The following SSPN variants were observed in gnomAD, a reference collection of about 807,000 sequenced individuals.
SSPN encodes the protein K-ras oncogene-associated protein.
A neutral mutation model predicts 19.1 loss-of-function variants in SSPN; 15 were observed. The observed-to-expected ratio is 0.78, with a 90% CI of 0.52 to 1.21. The LOEUF (loss-of-function observed/expected upper bound fraction) is 1.21, where lower values mean the gene tolerates loss of function less well. Among genes scored for constraint, SSPN ranks in the 50% most tolerant of loss-of-function variants. The pLI, the probability that SSPN is intolerant of heterozygous loss-of-function variation, is 0.00. For synonymous variants in SSPN, 147 were observed against 140.3 expected, an observed-to-expected ratio of 1.05 and a Z score of -0.34; for missense variants, 291 against 314.0, an observed-to-expected ratio of 0.93 and a Z score of 0.55.
intron 1 of SSPN, chr12:26,180,299 G>A (rs1274226589): frequency 6.6e-6 from 1 of 152,186 alleles, no homozygotes; most frequent in Non-Finnish European, 1.5e-5. Context: ...AATCTGAGTT[G>A]GAGGTGCTGA....
chr12:26,149,178 T>C (rs1283771147), intron 1 of SSPN, among the ~76,000 whole-genome samples: 1 of 152,224 alleles, frequency 6.6e-6, no homozygotes, highest in Non-Finnish European at 1.5e-5. Context: ...TCAACATCAC[T>C]ATGGCTTTTT....
At chr12:26,177,268 C>T (rs1944690181) in intron 1 of SSPN, among the ~76,000 whole-genome samples, 1 of 152,158 alleles carries the variant, frequency 6.6e-6, no homozygotes, top group Admixed American at 6.5e-5. Context: ...TTACTGAATA[C>T]CAGAATTTCA....
At chr12:26,191,529 G>C (rs1944787525), upstream of SSPN, among the ~76,000 whole-genome samples, 1 of 152,042 alleles carries the variant, frequency 6.6e-6, no homozygotes, top group African/African-American at 2.4e-5. Context: ...TTGTCCATAT[G>C]ATATTTAACT....
At chr12:26,214,453 A>G (rs955005363) in intron 1 of SSPN, among the ~76,000 whole-genome samples, 5 of 152,204 alleles carry the variant, frequency 3.3e-5, no homozygotes, top group African/African-American at 1.2e-4. Context: ...TATATTTGCT[A>G]TGTGACCATG....
intron 1 of SSPN, among the ~76,000 whole-genome samples, chr12:26,215,224 A>G (rs765486300): frequency 2.0e-5 from 3 of 152,188 alleles, no homozygotes; most frequent in Non-Finnish European, 4.4e-5. Context: ...CAAGATCTCA[A>G]AGATTATGCT....
chr12:26,185,635 A>T (rs1944748923), intron 1 of SSPN, among the ~76,000 whole-genome samples: 1 of 152,116 alleles, frequency 6.6e-6, no homozygotes, highest in Non-Finnish European at 1.5e-5. Flanking sequence ...TGAGATAATG[A>T]CCTGACCGAA....
chr12:26,232,076 G>A lies in SSPN; in HGVS notation c.*1000G>A. 1 of 985,392 alleles carries A rather than the reference G, an allele frequency of 1.0e-6. No homozygotes were observed. The highest frequency in any genetic ancestry group is 1.2e-6 in the Non-Finnish European group (1 of 829,920). 61.0% of individuals were successfully genotyped at this position (985,392 alleles called of 1,614,324 possible). A position where few individuals can be genotyped will look rare whatever the true frequency, so the allele number is the denominator to read the frequency against. ...AACAAAAACAAGAGCATTTGTAATA[G>A]GAAGTGTTTATACAAACAGCACATT... On this transcript the variant is annotated 3_prime_UTR_variant, in exon 3 of 3. Transcript: ENST00000242729.
chr12:26,192,169 C>G (rs1944793170), upstream of SSPN, among the ~76,000 whole-genome samples: 1 of 152,114 alleles, frequency 6.6e-6, no homozygotes. Context: ...GTTTTCTCCC[C>G]CAAGAGGATC....
At chr12:26,132,579 A>C (rs1021324508) in intron 1 of SSPN, among the ~76,000 whole-genome samples, 1 of 152,140 alleles carries the variant, frequency 6.6e-6, no homozygotes, top group African/African-American at 2.4e-5. Flanking sequence ...AGCAAAGAAA[A>C]TGCTTTCTCC....
At chr12:26,218,850 CTTT>C in intron 1 of SSPN, among the ~76,000 whole-genome samples, 1 of 152,138 alleles carries the variant, frequency 6.6e-6, no homozygotes, top group Non-Finnish European at 1.5e-5. Flanking sequence ...ACTTCTAATA[CTTT>C]ATCTTAATGT....
chr12:26,215,997 T>C (rs1049295815), intron 1 of SSPN, among the ~76,000 whole-genome samples: 1 of 152,182 alleles, frequency 6.6e-6, no homozygotes, highest in Admixed American at 6.5e-5. Context: ...ACATCAGTTT[T>C]CTCTCCCTTG....
At chr12:26,195,193 G>A (rs1250023477), upstream of SSPN, 1 of 154,158 alleles carries the variant, frequency 6.5e-6, no homozygotes, top group East Asian at 1.9e-4. Flanking sequence ...TCGCAGCTTA[G>A]AGCCCAGCAG....
chr12:26,226,292 A>G (rs1324899662), intron 2 of SSPN, among the ~76,000 whole-genome samples: 1 of 152,186 alleles, frequency 6.6e-6, no homozygotes, highest in Non-Finnish European at 1.5e-5. Flanking sequence ...CATAACATGC[A>G]TCTTCATAGG....
At position 26,160,811 on chromosome 12, in the gene SSPN, A is replaced by T. The variant is rs527348854; in HGVS notation, c.-31+38659A>T. The stretch of plus-strand genomic sequence containing the variant: ...AACACAGCAGTGTGAGTGAGCATTT[A>T]AAAAAATCAAAGTCGACTGGGCATG... On this transcript the variant is annotated intron_variant, in intron 1 of 2. Transcript: ENST00000538142. Among the ~76,000 whole-genome samples the T allele has an allele frequency of 5.3e-5, 8 of 152,076 alleles. No individual in the cohort carries two copies. The East Asian group carries it at 1.5e-3, about 29-fold the overall frequency.
intron 1 of SSPN, among the ~76,000 whole-genome samples, chr12:26,207,170 G>A (rs886656275): frequency 6.6e-6 from 1 of 152,140 alleles, no homozygotes; most frequent in Non-Finnish European, 1.5e-5. Context: ...CTCTACTAAT[G>A]TAGAATCATT....
chr12:26,207,486 C>T (rs1339213799), intron 1 of SSPN, among the ~76,000 whole-genome samples: 9 of 152,112 alleles, frequency 5.9e-5, no homozygotes, highest in Non-Finnish European at 1.3e-4. Flanking sequence ...CCATCTTCCC[C>T]AGAGATATGT....
rs1455927378 is a variant in SSPN, at chr12:26,123,228, C to G, written c.-31+1076C>G. On this transcript the variant is annotated intron_variant, in intron 1 of 2. Transcript: ENST00000538142. The stretch of plus-strand genomic sequence containing the variant: ...GGAGTGGAGGCAAGAAGAAACATAC[C>G]CACGTTAAAACATCTGCTTATCACG... 17 of 1,510,562 alleles carry G rather than the reference C, an allele frequency of 1.1e-5. No individual in the cohort carries two copies. In the Admixed American group the frequency reaches 3.1e-4, roughly 27 times the overall value. 93.6% of individuals were successfully genotyped at this position (1,510,562 alleles called of 1,614,324 possible). A position where few individuals can be genotyped will look rare whatever the true frequency, so the allele number is the denominator to read the frequency against.
chr12:26,124,527 C>T (rs765207149), intron 1 of SSPN: 12 of 1,613,890 alleles, frequency 7.4e-6, no homozygotes, highest in South Asian at 1.1e-5. Context: ...ACCTTGGTGT[C>T]GTCTCGTTTC....
rs1944819451 is a variant in SSPN, at chr12:26,195,633, C to T, written c.-40C>T. On this transcript the variant is annotated 5_prime_UTR_variant, in exon 1 of 3. Coordinates refer to ENST00000242729, the MANE Select transcript of SSPN (RefSeq NM_005086.5). ...GCGCCGCGCTCCAGGGCCCAGGGCG[C>T]CGCACACGCACCCACCCACCCACCC... 2.0e-5 allele frequency: 27 copies of T among 1,344,372 alleles called. No individual in the cohort carries two copies. Among genetic ancestry groups the T allele is most frequent in the Non-Finnish European group, 2.5e-5 (26 of 1,054,230 alleles). The allele number at this position is 1,344,372 out of a possible 1,614,324, so 83.3% of individuals were successfully genotyped here. A position where few individuals can be genotyped will look rare whatever the true frequency, so the allele number is the denominator to read the frequency against.
Sources: allele counts gnomAD v4.1 joint callset (sites outside exome capture counted in the v4.1 genomes callset), GRCh38; gene constraint gnomAD v4.1.1; transcripts MANE v1.5; gene names NCBI Gene and HGNC (gene_info 2026-07-23, HGNC 2026-07-21).